KIF1B: variants seen among roughly 807,000 people sequenced by gnomAD.
The protein encoded by KIF1B is kinesin family member 1B, also known as kinesin-like protein KIF1B.
A neutral mutation model predicts 241.9 loss-of-function variants in KIF1B; 76 were observed. That is an observed-to-expected ratio of 0.31 (90% CI 0.26 to 0.38). The LOEUF (loss-of-function observed/expected upper bound fraction) is 0.38. Among genes scored for constraint, KIF1B ranks in the 10% least tolerant of loss-of-function variants. The pLI, the probability that KIF1B is intolerant of heterozygous loss-of-function variation, is 1.00. For missense variants in KIF1B, 1,622 were observed against 2,271.4 expected (o/e 0.71, Z 5.81); for synonymous variants, 750 against 796.7 (o/e 0.94, Z 0.99).
chr1:10,361,836 C>T lies in KIF1B; in HGVS notation c.4304+11C>T. The T allele has an allele frequency of 6.2e-7, 1 of 1,613,386 alleles. No individual in the cohort carries two copies. Among genetic ancestry groups the T allele is most frequent in the African/African-American group, 1.3e-5 (1 of 75,064 alleles). On this transcript the variant is annotated intron_variant, in intron 40 of 48. Transcript: ENST00000676179. ...AAAGTCACCAGATTCGTAAGTTTTT[C>T]ACACAAGTTAGCTTCCAGTGTGTTT... is the stretch of plus-strand genomic sequence containing the variant.
intron 2 of KIF1B, among the ~76,000 whole-genome samples, chr1:10,254,603 G>A (rs1225798456): frequency 2.6e-5 from 4 of 152,036 alleles, no homozygotes; most frequent in Non-Finnish European, 5.9e-5. Context: ...ATGGCCAGGC[G>A]CGGTGGCTCA....
chr1:10,240,407 C>T (rs1203967874), intron 2 of KIF1B, among the ~76,000 whole-genome samples: 1 of 152,042 alleles, frequency 6.6e-6, no homozygotes, highest in Non-Finnish European at 1.5e-5. Context: ...GGGGTTTCAC[C>T]ATGTTGGCCA....
chr1:10,233,925 A>G (rs1051782651), intron 2 of KIF1B, among the ~76,000 whole-genome samples: 7 of 152,002 alleles, frequency 4.6e-5, no homozygotes, highest in Non-Finnish European at 7.4e-5. Flanking sequence ...TACAGGCGTG[A>G]ACCACCGCGC....
chr1:10,367,870 A>G (rs1638620202), intron 43 of KIF1B, among the ~76,000 whole-genome samples: 1 of 152,036 alleles, frequency 6.6e-6, no homozygotes, highest in African/African-American at 2.4e-5. Context: ...CTGGGATTAC[A>G]GGTGCCCACC....
At chr1:10,222,373 G>A (rs115991455) in intron 1 of KIF1B, among the ~76,000 whole-genome samples, 2,807 of 152,234 alleles carry the variant, frequency 0.018, 41 homozygotes, top group Non-Finnish European at 0.027. Flanking sequence ...AGACAGGGGA[G>A]GTAGGTTGGA....
At chr1:10,336,583 C>CT (rs1320449052) in intron 28 of KIF1B, 74 bp from the exon 29 acceptor site, 1 of 1,180,958 alleles carries the variant, frequency 8.5e-7, no homozygotes, top group Non-Finnish European at 1.3e-6. Flanking sequence ...AGTTTATAAT[C>CT]CAGCAAGAGC....
chr1:10,229,060 A>G (rs758370484), intron 1 of KIF1B, among the ~76,000 whole-genome samples: 16 of 152,286 alleles, frequency 1.1e-4, no homozygotes, highest in South Asian at 6.2e-4. Flanking sequence ...GGAGGTTGCA[A>G]TGTGTTTTAT....
chr1:10,349,403 C>T (rs1652706726), intron 37 of KIF1B, among the ~76,000 whole-genome samples: 1 of 150,308 alleles, frequency 6.7e-6, no homozygotes, highest in Admixed American at 6.7e-5. Context: ...CCACTGCATT[C>T]AAGCCTGGAC....
rs528492285 is a variant in KIF1B, at chr1:10,316,535, C to T, written c.2116-3508C>T. 5.9e-5 allele frequency among the ~76,000 whole-genome samples: 9 copies of T among 151,714 alleles called. No individual in the cohort carries two copies. In the South Asian group the frequency reaches 1.9e-3, roughly 31 times the overall value. The stretch of plus-strand genomic sequence containing the variant: ...TGTTTTTAAGATGGGGTCTCTTGCT[C>T]TGTAGCCCAGGCTGGAGTACAGTGG... On this transcript the variant is annotated intron_variant, in intron 22 of 48. Coordinates refer to ENST00000676179, the MANE Select transcript of KIF1B (RefSeq NM_001365951.3).
Position 10,365,020 on chromosome 1 carries a change from A to AC in KIF1B, c.4367-80_4367-79insC. On this transcript the variant is annotated intron_variant, in intron 41 of 48. Transcript: ENST00000676179. The surrounding 1 kb of genome is among the most constrained non-coding windows in gnomAD (Gnocchi z 4.0). The stretch of plus-strand genomic sequence containing the variant: ...GACTCCATCTCAAAAAAAAAAAAAA[A>AC]AGAATTATTAATTCGTTTTGACCTA... 1 of 1,300,880 alleles carries AC rather than the reference A, an allele frequency of 7.7e-7. No homozygotes were observed. The allele number at this position is 1,300,880 out of a possible 1,614,324, so 80.6% of individuals were successfully genotyped here.
chr1:10,230,000 T>G (rs1300497671), intron 1 of KIF1B, among the ~76,000 whole-genome samples: 1 of 151,608 alleles, frequency 6.6e-6, no homozygotes, highest in Non-Finnish European at 1.5e-5. Context: ...ATAACAAGAC[T>G]TTGTCTCTAC....
chr1:10,302,636 C>G (rs1028508211), intron 22 of KIF1B, among the ~76,000 whole-genome samples: 22 of 152,194 alleles, frequency 1.4e-4, no homozygotes, highest in Non-Finnish European at 2.9e-4. Context: ...AATCCGCCTG[C>G]TCGTCACATC....
rs376051312 is a variant in KIF1B, at chr1:10,282,253, CT to C, written c.1223-62del. 1.2e-4 allele frequency: 146 copies of C among 1,265,908 alleles called. 1 individual carries two copies. The African/African-American group carries it at 1.9e-3, about 16-fold the overall frequency. The allele number at this position is 1,265,908 out of a possible 1,614,324, so 78.4% of individuals were successfully genotyped here. A position where few individuals can be genotyped will look rare whatever the true frequency, so the allele number is the denominator to read the frequency against. On this transcript the variant is annotated intron_variant, in intron 14 of 48. Coordinates refer to ENST00000676179, the MANE Select transcript of KIF1B (RefSeq NM_001365951.3). ...TTCTTACAACGATATTCCTTCCTGT[CT>C]TTTTTTCTTCCTCTGCTTCTTTCCC...
chr1:10,290,324 C>T (rs906349278), intron 15 of KIF1B, among the ~76,000 whole-genome samples: 4 of 151,986 alleles, frequency 2.6e-5, no homozygotes, highest in African/African-American at 9.7e-5. Context: ...TGTAAACACT[C>T]AGCAAGTGAT....
chr1:10,377,167 G>A lies in KIF1B; in HGVS notation c.*580G>A, dbSNP rs1569937039. Reference sequence around the variant, plus strand: ...TTTCCCCTCTGTCTCTTTTTGCCATGGCTAATCCCTGCATTTCCATTCAGG... The same window carrying A: ...TTTCCCCTCTGTCTCTTTTTGCCATAGCTAATCCCTGCATTTCCATTCAGG... On this transcript the variant is annotated 3_prime_UTR_variant, in exon 49 of 49. Coordinates refer to ENST00000676179, the MANE Select transcript of KIF1B (RefSeq NM_001365951.3). 2 of 239,604 alleles carry A rather than the reference G, an allele frequency of 8.3e-6. No homozygotes were observed. Among genetic ancestry groups the A allele is most frequent in the South Asian group, 2.9e-4 (2 of 6,788 alleles). 14.8% of individuals were successfully genotyped at this position (239,604 alleles called of 1,614,324 possible).
rs1361541242 is a variant in KIF1B at position 10,296,889 on chromosome 1, T to G, written c.1862-8T>G. On this transcript the variant is annotated splice_region_variant and splice_polypyrimidine_tract_variant and intron_variant, in intron 20 of 48. Coordinates refer to ENST00000676179, the MANE Select transcript of KIF1B (RefSeq NM_001365951.3). Reference sequence around the variant, plus strand: ...ATTTCTTAACCCTATTTTTCTGTTTTGTGCTAGGAAACCGTATCATCATGG... The same window carrying G: ...ATTTCTTAACCCTATTTTTCTGTTTGGTGCTAGGAAACCGTATCATCATGG... 1 of 1,613,416 alleles carries G rather than the reference T, an allele frequency of 6.2e-7. No individual in the cohort carries two copies. Among genetic ancestry groups the G allele is most frequent in the Non-Finnish European group, 8.5e-7 (1 of 1,179,488 alleles).
chr1:10,263,287 T>TA (rs918347524), intron 5 of KIF1B, among the ~76,000 whole-genome samples: 4,724 of 144,926 alleles, frequency 0.033, 109 homozygotes, highest in Non-Finnish European at 0.05. Flanking sequence ...AAAATAATAA[T>TA]AATAAATAAA....
rs1317266952 is a variant in KIF1B at position 10,288,246 on chromosome 1, G to A, written c.1435-2836G>A. Reference sequence around the variant, plus strand: ...AGTCATAGCTCACTTATGCAGAAGCGTTTAACACCACTCTTAGTGGTTGTT... The same window carrying A: ...AGTCATAGCTCACTTATGCAGAAGCATTTAACACCACTCTTAGTGGTTGTT... On this transcript the variant is annotated intron_variant, in intron 15 of 48. Coordinates refer to ENST00000676179, the MANE Select transcript of KIF1B (RefSeq NM_001365951.3). Among the ~76,000 whole-genome samples the A allele has an allele frequency of 4.6e-5, 7 of 152,190 alleles. No individual in the cohort carries two copies. The East Asian group carries it at 7.7e-4, about 17-fold the overall frequency.
At position 10,296,975 on chromosome 1, in the gene KIF1B, C is replaced by T. The variant is rs1178666545; in HGVS notation, c.1940C>T (p.Thr647Ile). The change falls in exon 21 of 49, where the codon ACT becomes ATT. Residue 647 changes from threonine to isoleucine, a missense_variant. Physicochemically the swap from Thr to Ile is moderately conservative, Grantham distance 89. Transcript: ENST00000676179. Reference protein sequence around the residue: ...PEQARAEREKTPSAETPSEPV... With the variant: ...PEQARAEREKIPSAETPSEPV... ...CAAGCACGAGCTGAGCGAGAGAAGACTCCTTCTGCTGAGACCCCCTCTGAG... is the reference window on the plus strand; with the variant it reads ...CAAGCACGAGCTGAGCGAGAGAAGATTCCTTCTGCTGAGACCCCCTCTGAG... 5 of 1,614,032 alleles carry T rather than the reference C, an allele frequency of 3.1e-6. No homozygotes were observed. Among genetic ancestry groups the T allele is most frequent in the Non-Finnish European group, 4.2e-6 (5 of 1,179,954 alleles).
Sources: gnomAD v4.1 joint callset for allele counts (sites outside exome capture counted in the v4.1 genomes callset) on GRCh38, gnomAD v4.1.1 for gene constraint, Gnocchi (gnomAD v3.1) non-coding constraint, MANE v1.5 for transcripts, NCBI Gene and HGNC (gene_info 2026-07-23, HGNC 2026-07-21) for gene names.